ANKRD35: variants seen among roughly 807,000 people sequenced by gnomAD.
The protein encoded by ANKRD35 is ankyrin repeat domain 35, also known as ankyrin repeat domain-containing protein 35.
A neutral mutation model predicts 109.9 loss-of-function variants in ANKRD35; 102 were observed. The ratio of observed to expected loss-of-function variants is 0.93; its 90% confidence interval spans 0.79 to 1.09. The LOEUF (loss-of-function observed/expected upper bound fraction) is 1.09, where lower values mean the gene tolerates loss of function less well. Ranked by LOEUF, ANKRD35 falls within the 50% of genes least tolerant of loss-of-function variation. The pLI, the probability that ANKRD35 is intolerant of heterozygous loss-of-function variation, is 0.00. For missense variants in ANKRD35, 1,240 were observed against 1,230.1 expected (o/e 1.01, Z -0.12); for synonymous variants, 515 against 512.4 (o/e 1.01, Z -0.07).
chr1:145,869,480 C>A (rs1483735824), intron 10 of ANKRD35, among the ~76,000 whole-genome samples: 1 of 147,796 alleles, frequency 6.8e-6, no homozygotes, highest in Non-Finnish European at 1.5e-5. Flanking sequence ...CTGCGCCCAG[C>A]CTGTTTTGTG....
chr1:145,878,205 G>A (rs782264489), intron 3 of ANKRD35, among the ~76,000 whole-genome samples, 173 bp from the exon 4 acceptor site: 1 of 152,176 alleles, frequency 6.6e-6, no homozygotes, highest in Non-Finnish European at 1.5e-5. Context: ...TGATGAAGGT[G>A]GGAGTGGGGG....
chr1:145,884,768 G>A (rs60417767), intron 1 of ANKRD35, among the ~76,000 whole-genome samples: 6,091 of 151,858 alleles, frequency 0.04, 446 homozygotes, highest in African/African-American at 0.14. Flanking sequence ...TCATTCCTAA[G>A]CAACTGGGCA....
rs182141612 is a variant in ANKRD35, at chr1:145,882,497, C to T, written c.40-3109G>A. On this transcript the variant is annotated intron_variant, in intron 1 of 13. Transcript: ENST00000355594. ...TTAGAGATGAGGTATCACTGCATTG[C>T]CCAGGCTGGTCTCAAAAACTCCTGG... Among the ~76,000 whole-genome samples the T allele has an allele frequency of 2.0e-3, 296 of 148,794 alleles. 2 individuals are homozygous for T. Among genetic ancestry groups the T allele is most frequent in the Non-Finnish European group, 1.8e-3 (120 of 67,700 alleles).
rs371664925 is a variant in ANKRD35, at chr1:145,867,440, G to A, written c.2944-48C>T. ...AAAAGGAGATGAAGAACAGAAAATG[G>A]AGAGAGAGAGGTGAGGGAGAGGTTC... On this transcript the variant is annotated intron_variant, in intron 12 of 13. Transcript: ENST00000355594. 3 of 1,524,998 alleles carry A rather than the reference G, an allele frequency of 2.0e-6. No individual in the cohort carries two copies. In the African/African-American group the frequency reaches 4.1e-5, roughly 21 times the overall value. 94.5% of individuals were successfully genotyped at this position (1,524,998 alleles called of 1,614,324 possible). A position where few individuals can be genotyped will look rare whatever the true frequency, so the allele number is the denominator to read the frequency against.
chr1:145,876,921 C>T (rs782405066), intron 4 of ANKRD35, 48 bp from the exon 5 acceptor site: 2 of 1,602,254 alleles, frequency 1.2e-6, no homozygotes, highest in South Asian at 1.1e-5. Flanking sequence ...GTGTTAACAT[C>T]CTCATCCCAT....
Position 145,872,569 on chromosome 1 carries a change from T to C in ANKRD35, c.2200A>G (p.Ser734Gly). The C allele has an allele frequency of 6.2e-7, 1 of 1,611,412 alleles. No individual in the cohort carries two copies. The highest frequency in any genetic ancestry group is 8.5e-7 in the Non-Finnish European group (1 of 1,178,800). ...TCCCGGTGCCGATCCACCAGGGTGC[T>C]GATGCAGGCCCGCAGCTCCTCCAGG... ...ESLEELRACI[S>G]TLVDRHREAQ... The change falls in exon 10 of 14, where the codon AGC becomes GGC. Residue 734 changes from serine (S) to glycine (G), a missense_variant. By Grantham distance (56) the Ser-to-Gly change is moderately conservative (BLOSUM62 0). Transcript: ENST00000355594.
chr1:145,873,836 C>G lies in ANKRD35; in HGVS notation c.933G>C (p.Arg311=). The part of the protein sequence containing the change: ...KYEEERRKVV[R]LEQELVQKTE... ...TCTTTTGCACCAGCTCCTGCTCCAG[C>G]CGAACAACTTTCCTCCGCTCCTCTT... is the stretch of plus-strand genomic sequence containing the variant. Residue 311 remains arginine, a synonymous_variant, in exon 10 of 14, where the codon CGG becomes CGC. Transcript: ENST00000355594. 5.6e-6 allele frequency: 9 copies of G among 1,611,510 alleles called. No homozygotes were observed. The highest frequency in any genetic ancestry group is 7.6e-6 in the Non-Finnish European group (9 of 1,178,732).
chr1:145,877,805 T>C (rs782415513), intron 4 of ANKRD35, among the ~76,000 whole-genome samples, 163 bp downstream of exon 4: 3 of 152,172 alleles, frequency 2.0e-5, no homozygotes, highest in Admixed American at 6.5e-5. Context: ...TGCCTGCACA[T>C]AGTAGTTAAA....
chr1:145,874,840 T>C lies in ANKRD35; in HGVS notation c.727A>G (p.Ser243Gly), dbSNP rs986372900. Reference sequence around the variant, plus strand: ...CCTTTACCGCCCCGCCGCCGCCGGCTCAGGGCCTGCTGTAGGTGCCTCCAC... The same window carrying C: ...CCTTTACCGCCCCGCCGCCGCCGGCCCAGGGCCTGCTGTAGGTGCCTCCAC... ...ALWRHLQQAL[S>G]RRRRGGQRLV... Residue 243 changes from serine to glycine, a missense_variant, in exon 8 of 14, where the codon AGC becomes GGC. Coordinates refer to ENST00000355594, the MANE Select transcript of ANKRD35 (RefSeq NM_144698.5). 1.9e-6 allele frequency: 3 copies of C among 1,598,716 alleles called. No homozygotes were observed. Among genetic ancestry groups the C allele is most frequent in the Non-Finnish European group, 2.6e-6 (3 of 1,173,082 alleles).
At chr1:145,882,732 A>G (rs587682453) in intron 1 of ANKRD35, among the ~76,000 whole-genome samples, 129 of 152,320 alleles carry the variant, frequency 8.5e-4, no homozygotes, top group African/African-American at 3.0e-3. Flanking sequence ...AAGGACAGAG[A>G]GATGCTTTCA....
At chr1:145,868,931 C>T (rs1271302278) in intron 10 of ANKRD35, among the ~76,000 whole-genome samples, 4 of 152,042 alleles carry the variant, frequency 2.6e-5, no homozygotes, top group Non-Finnish European at 5.9e-5. Context: ...TTTAAGTTTT[C>T]AAAACAGTGT....
chr1:145,868,155 T>C (rs782764785), intron 11 of ANKRD35, 99 bp from the exon 12 acceptor site: 46 of 1,474,176 alleles, frequency 3.1e-5, no homozygotes, highest in Admixed American at 8.4e-5. Context: ...GGTGGGCTCG[T>C]TGGCCCATCA....
intron 2 of ANKRD35, among the ~76,000 whole-genome samples, chr1:145,878,774 G>A (rs587603928): frequency 3.3e-5 from 5 of 152,312 alleles, no homozygotes; most frequent in Admixed American, 2.0e-4. Flanking sequence ...GAACCTTAGC[G>A]GAAGTGGAAG....
In ANKRD35 at chr1:145,873,509, G is replaced by A. The variant is rs781973833; in HGVS notation, c.1260C>T (p.Ser420=). 30 of 1,613,808 alleles carry A rather than the reference G, an allele frequency of 1.9e-5. No homozygotes were observed. The highest frequency in any genetic ancestry group is 2.5e-5 in the Non-Finnish European group (29 of 1,179,966). The change falls in exon 10 of 14, where the codon TCC becomes TCT. Residue 420 remains serine, a synonymous_variant. Transcript: ENST00000355594. ...GKIQYEVHGR[S]QPEEQGPPQS... ...GGGGTGGCCCCTGTTCTTCTGGTTGGGACCTTCCATGGACTTCATACTGGA... is the reference window on the plus strand; with the variant it reads ...GGGGTGGCCCCTGTTCTTCTGGTTGAGACCTTCCATGGACTTCATACTGGA...
intron 10 of ANKRD35, among the ~76,000 whole-genome samples, chr1:145,869,183 TTTTTTG>T (rs1653718055): frequency 1.3e-5 from 2 of 152,128 alleles, no homozygotes; most frequent in African/African-American, 4.8e-5. Context: ...TTTTTTGTTT[TTTTTTG>T]TTTGTTTGTT....
chr1:145,868,887 C>T (rs892369464), intron 10 of ANKRD35, among the ~76,000 whole-genome samples: 2 of 152,100 alleles, frequency 1.3e-5, no homozygotes, highest in East Asian at 1.9e-4. Flanking sequence ...TGCCCCATTT[C>T]GTAGATAAAG....
Position 145,878,145 on chromosome 1 carries a change from T to C in ANKRD35, c.260-113A>G, listed in dbSNP as rs1447614642. 4 of 1,121,476 alleles carry C rather than the reference T, an allele frequency of 3.6e-6. No homozygotes were observed. The African/African-American group carries it at 6.1e-5, about 17-fold the overall frequency. 69.5% of individuals were successfully genotyped at this position (1,121,476 alleles called of 1,614,324 possible). A position where few individuals can be genotyped will look rare whatever the true frequency, so the allele number is the denominator to read the frequency against. ...AATCAGGAGATTAGGGAGAGAAGCT[T>C]TCAGCCACACGGGGCCAGAAATTCC... On this transcript the variant is annotated intron_variant, in intron 3 of 13. Coordinates refer to ENST00000355594, the MANE Select transcript of ANKRD35 (RefSeq NM_144698.5).
intron 1 of ANKRD35, among the ~76,000 whole-genome samples, chr1:145,882,462 A>AT (rs781961496): frequency 6.4e-4 from 90 of 140,204 alleles, no homozygotes; most frequent in African/African-American, 1.1e-3. Context: ...CACCCAGGTA[A>AT]TTTTTTTTTT....
chr1:145,875,606 T>C (rs1222728095), intron 7 of ANKRD35, among the ~76,000 whole-genome samples: 3 of 151,582 alleles, frequency 2.0e-5, no homozygotes, highest in African/African-American at 7.3e-5. Context: ...TGGAGTGCAG[T>C]GGTGCAATCT....
Sources: allele counts gnomAD v4.1 joint callset (sites outside exome capture counted in the v4.1 genomes callset), GRCh38; gene constraint gnomAD v4.1.1; transcripts MANE v1.5; gene names NCBI Gene and HGNC (gene_info 2026-07-23, HGNC 2026-07-21).